The following SP100 variants were observed in gnomAD, a reference collection of about 807,000 sequenced individuals.
SP100 encodes the protein nuclear autoantigen Sp-100.
In SP100, 84 loss-of-function variants were observed where a neutral mutation model predicts 130.0. The ratio of observed to expected loss-of-function variants is 0.65; its 90% CI spans 0.54 to 0.77. The LOEUF is 0.77. Among genes scored for constraint, SP100 ranks in the 30% least tolerant of loss-of-function variants. The pLI is 0.00. For missense variants in SP100, 978 were observed against 1,052.2 expected (o/e 0.93, Z 0.97); for synonymous variants, 331 against 351.7 (o/e 0.94, Z 0.66).
intron 17 of SP100, among the ~76,000 whole-genome samples, chr2:230,490,586 C>A (rs2066340899): frequency 6.6e-6 from 1 of 152,138 alleles, no homozygotes; most frequent in Non-Finnish European, 1.5e-5. Context: ...TTCATAATGT[C>A]ACTGGTCTTT....
At chr2:230,502,540 G>C (rs1401653674) in intron 19 of SP100, among the ~76,000 whole-genome samples, 3 of 152,182 alleles carry the variant, frequency 2.0e-5, no homozygotes, top group Admixed American at 6.6e-5. Context: ...TAAAGATGAA[G>C]TCGGTTAATA....
At position 230,544,972 on chromosome 2, in the gene SP100, A is replaced by G. The variant is rs1244697699; in HGVS notation, c.*2026A>G. On this transcript the variant is annotated 3_prime_UTR_variant, in exon 29 of 29. Coordinates refer to ENST00000340126, the MANE Select transcript of SP100 (RefSeq NM_001080391.2). ...GTTGTGGAGAAAAGGGAACATTTAT[A>G]CACTATTGATGGGAGTGTAAATTAG... Among the ~76,000 whole-genome samples, 1 of 152,226 alleles carries G rather than the reference A, an allele frequency of 6.6e-6. No homozygotes were observed. Among genetic ancestry groups the G allele is most frequent in the Non-Finnish European group, 1.5e-5 (1 of 68,038 alleles).
chr2:230,516,453 T>C (rs1161108082), intron 24 of SP100: 1 of 152,200 alleles, frequency 6.6e-6, no homozygotes, highest in African/African-American at 2.4e-5. Flanking sequence ...TTCTTGACTT[T>C]TGAAAACAAA....
intron 17 of SP100, among the ~76,000 whole-genome samples, chr2:230,477,053 G>C (rs774515585): frequency 6.6e-6 from 1 of 152,050 alleles, no homozygotes; most frequent in Non-Finnish European, 1.5e-5. Context: ...TTTTAGTAGA[G>C]TCGGTGTTTC....
intron 17 of SP100, among the ~76,000 whole-genome samples, chr2:230,474,934 T>C (rs2065465348): frequency 6.6e-6 from 1 of 151,958 alleles, no homozygotes; most frequent in South Asian, 2.1e-4. Flanking sequence ...CAATTCACTG[T>C]TGATGGGCAA....
chr2:230,421,144 G>A (rs186275060), intron 2 of SP100, among the ~76,000 whole-genome samples: 94 of 151,950 alleles, frequency 6.2e-4, no homozygotes, highest in Admixed American at 5.4e-3. Context: ...CCTCCCCGCC[G>A]ACCCCACAAA....
chr2:230,462,390 T>G (rs2064703237), intron 9 of SP100, 45 bp from the exon 10 acceptor site: 2 of 1,484,144 alleles, frequency 1.3e-6, no homozygotes, highest in Non-Finnish European at 1.9e-6. Context: ...ATGGACTCCT[T>G]GGTCACACCC....
chr2:230,417,513 G>T (rs557339274), intron 1 of SP100, 78 bp from the exon 2 acceptor site: 4 of 1,509,656 alleles, frequency 2.6e-6, no homozygotes, highest in Non-Finnish European at 2.7e-6. Context: ...TATTTATCTT[G>T]TCTCTAAACC....
chr2:230,496,960 G>A (rs978473613), intron 18 of SP100, among the ~76,000 whole-genome samples: 5 of 152,158 alleles, frequency 3.3e-5, no homozygotes, highest in Non-Finnish European at 5.9e-5. Context: ...ACTCCTGAAG[G>A]TGAAGATCAG....
chr2:230,508,841 T>C (rs1690337687), intron 23 of SP100: 1 of 152,058 alleles, frequency 6.6e-6, no homozygotes, highest in Non-Finnish European at 1.5e-5. Flanking sequence ...CCCTAAAATG[T>C]ATATATAGGC....
At chr2:230,446,690 T>A in intron 4 of SP100, 129 bp from the exon 5 acceptor site, 1 of 608,438 alleles carries the variant, frequency 1.6e-6, no homozygotes, top group Non-Finnish European at 3.0e-6. Context: ...ACGGGAGAAC[T>A]TTAGGTCATG....
At chr2:230,433,020 G>A (rs1012517950) in intron 2 of SP100, among the ~76,000 whole-genome samples, 2 of 152,020 alleles carry the variant, frequency 1.3e-5, no homozygotes, top group Non-Finnish European at 2.9e-5. Context: ...AAAATGGGGG[G>A]ATCCTTGTTC....
chr2:230,515,438 C>G (rs1405738423), intron 24 of SP100: 5 of 1,613,610 alleles, frequency 3.1e-6, no homozygotes, highest in Non-Finnish European at 4.2e-6. Context: ...ACCGCTGCAG[C>G]TGACAAGCAG....
intron 21 of SP100, among the ~76,000 whole-genome samples, chr2:230,505,378 C>G (rs1366539862): frequency 6.6e-6 from 1 of 152,154 alleles, no homozygotes; most frequent in Non-Finnish European, 1.5e-5. Context: ...CCCCATTTCC[C>G]ATAACATCTG....
At chr2:230,449,513 A>G (rs2063867628) in intron 6 of SP100, 48 bp from the exon 7 acceptor site, 2 of 1,608,290 alleles carry the variant, frequency 1.2e-6, no homozygotes, top group African/African-American at 1.3e-5. Flanking sequence ...GGGGAGTGAC[A>G]GGCAGCAGAG....
At chr2:230,462,992 G>A (rs573462511) in intron 10 of SP100, among the ~76,000 whole-genome samples, 28 of 152,310 alleles carry the variant, frequency 1.8e-4, no homozygotes. Context: ...AAACACCTGA[G>A]ATAAAGTATT....
chr2:230,499,957 C>A (rs893113014), intron 19 of SP100, among the ~76,000 whole-genome samples: 2 of 152,076 alleles, frequency 1.3e-5, no homozygotes, highest in African/African-American at 4.8e-5. Flanking sequence ...GAACCAGGCT[C>A]CCAATCCCCT....
chr2:230,422,049 C>T (rs1198111447), intron 2 of SP100, among the ~76,000 whole-genome samples: 1 of 151,900 alleles, frequency 6.6e-6, no homozygotes, highest in Admixed American at 6.6e-5. Flanking sequence ...TCTTATATGT[C>T]TTCTTTTCTT....
chr2:230,463,973 A>G (rs902691733), intron 10 of SP100, 94 bp from the exon 11 acceptor site: 18 of 814,776 alleles, frequency 2.2e-5, no homozygotes, highest in Middle Eastern at 2.3e-4. Flanking sequence ...CGGATTTTCA[A>G]GGTTTTCCAG....
Sources: gnomAD v4.1 joint callset for allele counts (sites outside exome capture counted in the v4.1 genomes callset) on GRCh38, gnomAD v4.1.1 for gene constraint, MANE v1.5 for transcripts, NCBI Gene and HGNC (gene_info 2026-07-23, HGNC 2026-07-21) for gene names.